PRPF39: variants seen among roughly 807,000 people sequenced by gnomAD.
The protein encoded by PRPF39 is pre-mRNA-processing factor 39.
A neutral mutation model predicts 82.1 loss-of-function variants in PRPF39; 27 were observed. The observed-to-expected ratio is 0.33, with a 90% confidence interval of 0.24 to 0.45. The LOEUF is 0.45. PRPF39 is among the 20% of genes least tolerant of loss of function. PRPF39 has a pLI of 1.00. For missense variants in PRPF39, 581 were observed against 796.9 expected (o/e 0.73, Z 3.26); for synonymous variants, 261 against 256.4 (o/e 1.02, Z -0.17).
chr14:45,112,275 A>G, intron 10 of PRPF39, 43 bp from the exon 11 acceptor site: 1 of 1,466,700 alleles, frequency 6.8e-7, no homozygotes, highest in Non-Finnish European at 9.1e-7. Flanking sequence ...GTGCTCTAAT[A>G]AAAATATTTT....
intron 4 of PRPF39, among the ~76,000 whole-genome samples, chr14:45,101,319 A>G (rs1884366004): frequency 6.6e-6 from 1 of 152,182 alleles, no homozygotes; most frequent in Non-Finnish European, 1.5e-5. Context: ...ACTTTTTAAA[A>G]ATCTCTCTTG....
chr14:45,091,628 A>T (rs1164172390), intron 1 of PRPF39, among the ~76,000 whole-genome samples: 1 of 152,230 alleles, frequency 6.6e-6, no homozygotes, highest in Non-Finnish European at 1.5e-5. Context: ...CAAACCAATA[A>T]GAAAAAAATT....
At chr14:45,096,462 C>T (rs2139045366) in intron 3 of PRPF39, 1 of 1,473,122 alleles carries the variant, frequency 6.8e-7, no homozygotes. Flanking sequence ...CTTTGCAGTG[C>T]AAGCCTCTGT....
At chr14:45,111,906 G>A (rs922815001) in intron 10 of PRPF39, among the ~76,000 whole-genome samples, 1 of 152,062 alleles carries the variant, frequency 6.6e-6, no homozygotes, top group African/African-American at 2.4e-5. Context: ...CCAAAGTGGT[G>A]GGATTATAGG....
At chr14:45,095,734 G>A in intron 2 of PRPF39, 171 bp downstream of exon 2, 1 of 875,160 alleles carries the variant, frequency 1.1e-6, no homozygotes, top group Non-Finnish European at 1.7e-6. Flanking sequence ...TACAGCTTTT[G>A]TATGTTGTAG....
chr14:45,103,705 G>A (rs1193035805), intron 5 of PRPF39, among the ~76,000 whole-genome samples: 2 of 152,136 alleles, frequency 1.3e-5, no homozygotes, highest in Non-Finnish European at 2.9e-5. Flanking sequence ...AACGACCTAG[G>A]AAGACACTTG....
At chr14:45,096,295 ATTTTTTTTTT>A in intron 3 of PRPF39, 67 bp downstream of exon 3, 1 of 1,288,698 alleles carries the variant, frequency 7.8e-7, no homozygotes, top group Non-Finnish European at 1.0e-6. Context: ...CAAAACAAAG[ATTTTTTTTTT>A]TTTTTTTTTT....
chr14:45,095,153 G>C, intron 1 of PRPF39, 68 bp from the exon 2 acceptor site: 1 of 1,008,228 alleles, frequency 9.9e-7, no homozygotes. Flanking sequence ...TTTTTAAAAG[G>C]TGTTGTTGAG....
At chr14:45,111,566 A>C (rs996804924) in intron 10 of PRPF39, among the ~76,000 whole-genome samples, 2 of 149,334 alleles carry the variant, frequency 1.3e-5, no homozygotes, top group African/African-American at 2.5e-5. Context: ...TCCTGACCTC[A>C]GATGATTTGC....
chr14:45,094,866 A>G (rs1884149405), intron 1 of PRPF39, among the ~76,000 whole-genome samples: 1 of 152,210 alleles, frequency 6.6e-6, no homozygotes, highest in South Asian at 2.1e-4. Context: ...ATAGCAAGGT[A>G]ACATTCAGGC....
chr14:45,085,882 A>C (rs1183523090), intron 1 of PRPF39, among the ~76,000 whole-genome samples: 1 of 152,056 alleles, frequency 6.6e-6, no homozygotes, highest in African/African-American at 2.4e-5. Context: ...TTTATGAAAA[A>C]GAATAGTCAA....
In PRPF39 at chr14:45,110,541, G is replaced by C. The variant is rs1164723003; in HGVS notation, c.1304-8G>C. 4 of 1,551,254 alleles carry C rather than the reference G, an allele frequency of 2.6e-6. No individual in the cohort carries two copies. In the African/African-American group the frequency reaches 4.1e-5, roughly 16 times the overall value. ...ACCAAAGCATAAACATTTAATTACTGTTTCTAGGTAATATTAATGAAGCCA... is the reference window on the plus strand; with the variant it reads ...ACCAAAGCATAAACATTTAATTACTCTTTCTAGGTAATATTAATGAAGCCA... On this transcript the variant is annotated splice_region_variant and splice_polypyrimidine_tract_variant and intron_variant, in intron 9 of 13. Coordinates refer to ENST00000355765, the MANE Select transcript of PRPF39 (RefSeq NM_017922.4). This position sits in a 1 kb window ranked among gnomAD's most constrained non-coding sequence, Gnocchi z 4.0.
chr14:45,113,461 T>G (rs562668167), intron 11 of PRPF39, among the ~76,000 whole-genome samples: 80 of 152,202 alleles, frequency 5.3e-4, no homozygotes, highest in Admixed American at 1.1e-3. Flanking sequence ...ATTATCACAT[T>G]GTGGAGCGAG....
At chr14:45,104,590 G>T (rs79780705) in intron 5 of PRPF39, among the ~76,000 whole-genome samples, 6 of 152,078 alleles carry the variant, frequency 3.9e-5, no homozygotes, top group Non-Finnish European at 5.9e-5. Context: ...AGAGGAGGAG[G>T]CGTGTGTTAA....
rs758843129 is a variant in PRPF39, at chr14:45,109,646, T to A, written c.1042T>A (p.Leu348Met). The A allele has an allele frequency of 4.4e-6, 7 of 1,606,860 alleles. No homozygotes were observed. The highest frequency in any genetic ancestry group is 6.0e-6 in the Non-Finnish European group (7 of 1,176,272). The part of the protein sequence containing the change: ...IKRPYFHVKP[L>M]EKAQLKNWKE... ...AAGACCTTACTTTCATGTGAAACCT[T>A]TGGAAAAGGCACAACTAAAAAACTG... is the stretch of plus-strand genomic sequence containing the variant. The change falls in exon 8 of 14, where the codon TTG becomes ATG. Residue 348 changes from leucine (L) to methionine (M), a missense_variant. Coordinates refer to ENST00000355765, the MANE Select transcript of PRPF39 (RefSeq NM_017922.4).
chr14:45,109,626 C>T lies in PRPF39; in HGVS notation c.1022C>T (p.Pro341Leu), dbSNP rs1212921201. The change falls in exon 8 of 14, where the codon CCT becomes CTT. Residue 341 changes from proline to leucine, a missense_variant. By Grantham distance (98) the Pro-to-Leu change is moderately conservative (BLOSUM62 -3). Transcript: ENST00000355765. Reference protein sequence around the residue: ...RWTFEEGIKRPYFHVKPLEKA... With the variant: ...RWTFEEGIKRLYFHVKPLEKA... ...ACAATTTCATTTCAGATTAAAAGAC[C>T]TTACTTTCATGTGAAACCTTTGGAA... is the stretch of plus-strand genomic sequence containing the variant. 2 of 1,601,882 alleles carry T rather than the reference C, an allele frequency of 1.2e-6. No individual in the cohort carries two copies. Among genetic ancestry groups the T allele is most frequent in the East Asian group, 2.2e-5 (1 of 44,706 alleles).
At chr14:45,093,847 G>A (rs541139827) in intron 1 of PRPF39, among the ~76,000 whole-genome samples, 2 of 152,262 alleles carry the variant, frequency 1.3e-5, no homozygotes, top group East Asian at 3.9e-4. Context: ...GAGCCACCAC[G>A]CCCGGCCAAA....
At chr14:45,096,622 C>T (rs1254023625) in intron 3 of PRPF39, 2 of 1,477,624 alleles carry the variant, frequency 1.4e-6, no homozygotes, top group Non-Finnish European at 9.0e-7. Context: ...TCTAATGGGT[C>T]TGTGCCCTAT....
chr14:45,109,516 AT>A, intron 7 of PRPF39, 99 bp from the exon 8 acceptor site: 1 of 949,114 alleles, frequency 1.1e-6, no homozygotes, highest in Non-Finnish European at 1.4e-6. Context: ...AAAAATTTTA[AT>A]CATCAATTAT....
Sources: allele counts gnomAD v4.1 joint callset (sites outside exome capture counted in the v4.1 genomes callset), GRCh38; gene constraint gnomAD v4.1.1; non-coding constraint Gnocchi (gnomAD v3.1); transcripts MANE v1.5; gene names NCBI Gene and HGNC (gene_info 2026-07-23, HGNC 2026-07-21).